The following NCK2 variants were observed in gnomAD, a reference collection of about 807,000 sequenced individuals.
The protein encoded by NCK2 is cytoplasmic protein NCK2.
In NCK2, 16 loss-of-function variants were observed where a neutral mutation model predicts 33.9. The observed-to-expected ratio is 0.47, with a 90% CI of 0.32 to 0.72. The LOEUF is 0.72. NCK2 is among the 30% of genes least tolerant of loss of function. The pLI is 0.03. For synonymous variants in NCK2, 273 were observed against 239.9 expected, an observed-to-expected ratio of 1.14 and a Z score of -1.27; for missense variants, 418 against 537.3, an observed-to-expected ratio of 0.78 and a Z score of 2.19.
chr2:105,747,565 G>T (rs758930795), intron 1 of NCK2, among the ~76,000 whole-genome samples: 3 of 152,222 alleles, frequency 2.0e-5, no homozygotes, highest in Admixed American at 6.5e-5. Context: ...AAAGACTGAA[G>T]AGCTCAGAAT....
intron 3 of NCK2, among the ~76,000 whole-genome samples, chr2:105,874,183 G>T (rs1678147375): frequency 6.6e-6 from 1 of 152,158 alleles, no homozygotes; most frequent in Non-Finnish European, 1.5e-5. Context: ...GAAATATTAT[G>T]ATGATAAATT....
At chr2:105,875,431 G>A (rs1188173113) in intron 3 of NCK2, among the ~76,000 whole-genome samples, 1 of 152,222 alleles carries the variant, frequency 6.6e-6, no homozygotes, top group Admixed American at 6.5e-5. Flanking sequence ...GCAGCAGCCT[G>A]AGAACAACTG....
intron 2 of NCK2, among the ~76,000 whole-genome samples, chr2:105,834,758 G>A (rs546127596): frequency 6.6e-6 from 1 of 152,156 alleles, no homozygotes; most frequent in South Asian, 2.1e-4. Flanking sequence ...GCCTTGAACT[G>A]TTGGGTTTAA....
chr2:105,809,053 T>C (rs1472947154), intron 1 of NCK2, among the ~76,000 whole-genome samples: 1 of 152,216 alleles, frequency 6.6e-6, no homozygotes, highest in Non-Finnish European at 1.5e-5. Flanking sequence ...ATGCAGGAGC[T>C]TGGCCCAGGA....
intron 1 of NCK2, among the ~76,000 whole-genome samples, chr2:105,762,462 C>G (rs1263262571): frequency 6.6e-6 from 1 of 152,162 alleles, no homozygotes; most frequent in Non-Finnish European, 1.5e-5. Flanking sequence ...CGCTGAAGCT[C>G]ATGTCCCAGG....
At chr2:105,854,318 G>C (rs1046693222) in intron 2 of NCK2, among the ~76,000 whole-genome samples, 2 of 152,264 alleles carry the variant, frequency 1.3e-5, no homozygotes, top group East Asian at 3.9e-4. Flanking sequence ...AGCTGCTACA[G>C]ACGTCTCTGC....
intron 1 of NCK2, among the ~76,000 whole-genome samples, chr2:105,758,534 C>G (rs1192846180): frequency 1.3e-5 from 2 of 151,232 alleles, no homozygotes; most frequent in Non-Finnish European, 1.5e-5. Flanking sequence ...CTCAGCCTCT[C>G]GAGTAGCTGG....
intron 2 of NCK2, among the ~76,000 whole-genome samples, chr2:105,826,398 C>T (rs910409812): frequency 1.3e-5 from 2 of 152,128 alleles, no homozygotes; most frequent in Admixed American, 1.3e-4. Flanking sequence ...CAAAGCCTAA[C>T]CCCACCACCC....
At chr2:105,887,179 G>A (rs1213584740) in intron 4 of NCK2, among the ~76,000 whole-genome samples, 1 of 152,178 alleles carries the variant, frequency 6.6e-6, no homozygotes, top group Non-Finnish European at 1.5e-5. Flanking sequence ...AAATAGAATG[G>A]TAAAACTGAA....
At chr2:105,845,243 A>T (rs1364347474) in intron 2 of NCK2, among the ~76,000 whole-genome samples, 6 of 152,344 alleles carry the variant, frequency 3.9e-5, no homozygotes, top group South Asian at 2.1e-4. Flanking sequence ...ATCTGTTTTT[A>T]AAAATCACTG....
chr2:105,806,230 TTTTC>T (rs1426669647), intron 1 of NCK2, among the ~76,000 whole-genome samples: 1 of 93,338 alleles, frequency 1.1e-5, no homozygotes, highest in Non-Finnish European at 2.3e-5. Context: ...ACATATCACA[TTTTC>T]TTTCTTTTTT....
intron 1 of NCK2, among the ~76,000 whole-genome samples, chr2:105,814,261 A>G (rs1675397262): frequency 6.6e-6 from 1 of 152,214 alleles, no homozygotes; most frequent in African/African-American, 2.4e-5. Flanking sequence ...TAGGGTGTAC[A>G]CTTAACACAT....
At chr2:105,776,125 T>A (rs972139430) in intron 1 of NCK2, among the ~76,000 whole-genome samples, 1 of 152,236 alleles carries the variant, frequency 6.6e-6, no homozygotes, top group South Asian at 2.1e-4. Flanking sequence ...GAGCAGGCCA[T>A]GCCTGGCTGG....
chr2:105,764,790 C>G (rs535744305), intron 1 of NCK2, among the ~76,000 whole-genome samples: 1 of 152,276 alleles, frequency 6.6e-6, no homozygotes, highest in East Asian at 1.9e-4. Flanking sequence ...TGCAGCTCAT[C>G]CTTGTAAGTA....
intron 1 of NCK2, among the ~76,000 whole-genome samples, chr2:105,780,065 C>T (rs1031765333): frequency 2.0e-5 from 3 of 152,020 alleles, no homozygotes; most frequent in South Asian, 4.1e-4. Context: ...TTGCCTTTAC[C>T]TTATTCAATG....
chr2:105,866,472 T>C (rs1009351922), intron 3 of NCK2, among the ~76,000 whole-genome samples: 4 of 152,188 alleles, frequency 2.6e-5, no homozygotes, highest in Non-Finnish European at 5.9e-5. Flanking sequence ...AAGACAGTTT[T>C]TACATGGATG....
At chr2:105,766,233 A>G (rs1365412916) in intron 1 of NCK2, among the ~76,000 whole-genome samples, 6 of 152,180 alleles carry the variant, frequency 3.9e-5, no homozygotes, top group Non-Finnish European at 1.5e-5. Context: ...CACCTGGGAA[A>G]GTCTGTGTTC....
intron 2 of NCK2, among the ~76,000 whole-genome samples, chr2:105,831,112 G>C (rs1456268526): frequency 6.6e-6 from 1 of 152,008 alleles, no homozygotes; most frequent in Non-Finnish European, 1.5e-5. Flanking sequence ...TGCTTTTGTT[G>C]CCTCTGCTGT....
chr2:105,817,931 A>G (rs1379678957), intron 2 of NCK2, among the ~76,000 whole-genome samples: 2 of 152,130 alleles, frequency 1.3e-5, no homozygotes, highest in African/African-American at 4.8e-5. Context: ...ATTACTGGGT[A>G]TATACCCAAA....
Sources: allele counts gnomAD v4.1 joint callset (sites outside exome capture counted in the v4.1 genomes callset), GRCh38; gene constraint gnomAD v4.1.1; transcripts MANE v1.5; gene names NCBI Gene and HGNC (gene_info 2026-07-23, HGNC 2026-07-21).